Variants in ADGRL4 observed in about 807,000 individuals in gnomAD.
ADGRL4 encodes the protein EGF, latrophilin and seven transmembrane domain containing 1.
ADGRL4 carries 90 observed loss-of-function variants against 74.8 expected under a neutral mutation model. The ratio of observed to expected loss-of-function variants is 1.20; its 90% CI spans 1.02 to 1.43. The LOEUF (loss-of-function observed/expected upper bound fraction) is 1.43, where lower values mean the gene tolerates loss of function less well. Ranked by LOEUF, ADGRL4 falls within the 40% of genes most tolerant of loss-of-function variation. The probability of loss-of-function intolerance (pLI) is 0.00; values close to 1 mark genes in which losing one functional copy is unlikely to be tolerated. For synonymous variants in ADGRL4, 311 were observed against 279.2 expected, an observed-to-expected ratio of 1.11 and a Z score of -1.14; for missense variants, 881 against 814.3, an observed-to-expected ratio of 1.08 and a Z score of -1.00.
At chr1:78,903,928 C>A (rs1386872241) in intron 12 of ADGRL4, among the ~76,000 whole-genome samples, 1 of 142,796 alleles carries the variant, frequency 7.0e-6, no homozygotes, top group Non-Finnish European at 1.5e-5. Context: ...CAGCGAGACT[C>A]CATATAAAAT....
chr1:78,980,017 G>T (rs1382798370), intron 2 of ADGRL4, among the ~76,000 whole-genome samples: 1 of 151,824 alleles, frequency 6.6e-6, no homozygotes, highest in Non-Finnish European at 1.5e-5. Context: ...GAAAACATCA[G>T]TGCCCCCCAA....
At chr1:78,935,223 C>T (rs1272271509) in intron 7 of ADGRL4, among the ~76,000 whole-genome samples, 1 of 152,048 alleles carries the variant, frequency 6.6e-6, no homozygotes, top group African/African-American at 2.4e-5. Context: ...ACTATGCAGC[C>T]ATAAAAAGGA....
Position 78,985,286 on chromosome 1 carries a change from T to C in ADGRL4, c.172+19784A>G, listed in dbSNP as rs149506722. On this transcript the variant is annotated intron_variant, in intron 2 of 14. Coordinates refer to ENST00000370742, the MANE Select transcript of ADGRL4 (RefSeq NM_022159.4). ...TGATAGGTGTCCATGCATAGAAAGATACTCTGAATTATATTAACTAAATAC... is the reference window on the plus strand; with the variant it reads ...TGATAGGTGTCCATGCATAGAAAGACACTCTGAATTATATTAACTAAATAC... 2.0e-5 allele frequency among the ~76,000 whole-genome samples: 3 copies of C among 151,870 alleles called. No homozygotes were observed. The East Asian group carries it at 5.8e-4, about 29-fold the overall frequency.
chr1:78,922,879 A>AAG (rs1365438849), intron 8 of ADGRL4, among the ~76,000 whole-genome samples: 5 of 152,030 alleles, frequency 3.3e-5, no homozygotes, highest in Admixed American at 6.6e-5. Flanking sequence ...TTCAAGGAGT[A>AAG]AGGATTATCA....
intron 2 of ADGRL4, among the ~76,000 whole-genome samples, chr1:78,949,838 C>A (rs1373860949): frequency 6.6e-6 from 1 of 151,976 alleles, no homozygotes; most frequent in African/African-American, 2.4e-5. Context: ...CTTTAAAATA[C>A]AATTATATTG....
rs573958864 is a variant in ADGRL4 at position 78,891,060 on chromosome 1, T to C, written c.*94A>G. ...ATACTTTTTGTCTAGTAGTTAATAATTGGATAATTTGATGAGTCATTTTTA... is the reference window on the plus strand; with the variant it reads ...ATACTTTTTGTCTAGTAGTTAATAACTGGATAATTTGATGAGTCATTTTTA... On this transcript the variant is annotated 3_prime_UTR_variant, in exon 15 of 15. Transcript: ENST00000370742. The C allele has an allele frequency of 1.0e-5, 13 of 1,244,048 alleles. No homozygotes were observed. The highest frequency in any genetic ancestry group is 2.5e-5 in the South Asian group (2 of 81,538). The allele number at this position is 1,244,048 out of a possible 1,614,324, so 77.1% of individuals were successfully genotyped here.
intron 1 of ADGRL4, 82 bp from the exon 2 acceptor site, chr1:79,005,301 T>A: frequency 9.3e-7 from 1 of 1,072,950 alleles, no homozygotes; most frequent in Non-Finnish European, 1.3e-6. Context: ...ATAATAAACA[T>A]AAATTATCCT....
intron 12 of ADGRL4, among the ~76,000 whole-genome samples, chr1:78,910,570 T>C (rs1008761009): frequency 1.3e-5 from 2 of 151,880 alleles, no homozygotes; most frequent in African/African-American, 4.8e-5. Context: ...GAAACTTCAG[T>C]TTCTATTTAA....
intron 3 of ADGRL4, among the ~76,000 whole-genome samples, chr1:78,942,173 CAAAAAAAA>C (rs398049382): frequency 1.4e-5 from 1 of 73,610 alleles, no homozygotes; most frequent in Non-Finnish European, 2.5e-5. Context: ...GACTCCGTCT[CAAAAAAAA>C]AAAAAAAAAA....
chr1:78,933,780 CCAA>C (rs146620721), intron 7 of ADGRL4, among the ~76,000 whole-genome samples: 72,498 of 150,542 alleles, frequency 0.48, 18,328 homozygotes, highest in Middle Eastern at 0.56. Flanking sequence ...TTCTTTCACA[CCAA>C]CAATAGACAA....
intron 2 of ADGRL4, among the ~76,000 whole-genome samples, chr1:78,999,950 C>T (rs1488432311): frequency 8.1e-6 from 1 of 123,638 alleles, no homozygotes; most frequent in African/African-American, 3.1e-5. Context: ...ATAATGTCAA[C>T]CCAGAAGGCA....
At chr1:78,975,205 T>C (rs1045749191) in intron 2 of ADGRL4, among the ~76,000 whole-genome samples, 5 of 152,100 alleles carry the variant, frequency 3.3e-5, no homozygotes, top group Admixed American at 6.6e-5. Context: ...ACCATTTGTT[T>C]CTGGATATAA....
At chr1:78,897,522 C>T (rs1048587662) in intron 12 of ADGRL4, among the ~76,000 whole-genome samples, 1 of 152,020 alleles carries the variant, frequency 6.6e-6, no homozygotes, top group Admixed American at 6.6e-5. Context: ...CTATAAATCC[C>T]CTGATTTCAG....
At chr1:78,989,536 A>G (rs1189189153) in intron 2 of ADGRL4, among the ~76,000 whole-genome samples, 2 of 151,890 alleles carry the variant, frequency 1.3e-5, no homozygotes, top group Non-Finnish European at 2.9e-5. Flanking sequence ...TAAACTGGTA[A>G]AGAATGGGGA....
At chr1:78,909,694 T>G (rs1648720094) in intron 12 of ADGRL4, among the ~76,000 whole-genome samples, 1 of 151,874 alleles carries the variant, frequency 6.6e-6, no homozygotes, top group South Asian at 2.1e-4. Flanking sequence ...AACACTCTCA[T>G]ATATTGTTGG....
intron 12 of ADGRL4, among the ~76,000 whole-genome samples, chr1:78,901,869 A>C (rs1648528400): frequency 6.6e-6 from 1 of 152,166 alleles, no homozygotes; most frequent in African/African-American, 2.4e-5. Flanking sequence ...CTACAGAGCT[A>C]AAAGATATTT....
In ADGRL4 at chr1:78,937,976, G is replaced by A. The variant is rs535245969; in HGVS notation, c.591C>T (p.Thr197=). The A allele has an allele frequency of 3.7e-6, 6 of 1,609,592 alleles. No individual in the cohort carries two copies. Among genetic ancestry groups the A allele is most frequent in the African/African-American group, 2.7e-5 (2 of 74,664 alleles). ...TATCCCTTTGAACAAAATTATTCAC[G>A]GTTTTTACAAATTCCTATTGAAAAA... ...SNSTLTEFVK[T]VNNFVQRDTF... is the part of the protein sequence containing the mutation. The change falls in exon 6 of 15, where the codon ACC becomes ACT. Residue 197 remains threonine (T), a synonymous_variant. Coordinates refer to ENST00000370742, the MANE Select transcript of ADGRL4 (RefSeq NM_022159.4).
chr1:78,938,032 A>G (rs775215576), intron 5 of ADGRL4, 42 bp from the exon 6 acceptor site: 42 of 1,604,248 alleles, frequency 2.6e-5, no homozygotes, highest in Non-Finnish European at 3.5e-5. Context: ...TTGGAATCCT[A>G]CACTATTCAC....
intron 2 of ADGRL4, among the ~76,000 whole-genome samples, chr1:78,949,077 G>T (rs1273584025): frequency 6.6e-6 from 1 of 152,082 alleles, no homozygotes; most frequent in Non-Finnish European, 1.5e-5. Flanking sequence ...TCTCAGATCA[G>T]TTATTGGTAA....
Sources: gnomAD v4.1 joint callset for allele counts (sites outside exome capture counted in the v4.1 genomes callset) on GRCh38, gnomAD v4.1.1 for gene constraint, MANE v1.5 for transcripts, NCBI Gene and HGNC (gene_info 2026-07-23, HGNC 2026-07-21) for gene names.